The following C19orf53 variants were observed in gnomAD, a reference collection of about 807,000 sequenced individuals.
The protein encoded by C19orf53 is leydig cell tumor 10 kDa protein homolog.
C19orf53 carries 9 observed loss-of-function variants against 6.5 expected under a neutral mutation model. The observed-to-expected ratio is 1.38, with a 90% CI of 0.83 to 2.40. C19orf53 has a LOEUF of 2.40. Ranked by LOEUF, C19orf53 falls within the 30% of genes most tolerant of loss-of-function variation. C19orf53 has a pLI of 0.00. For synonymous variants in C19orf53, 68 were observed against 52.5 expected (o/e 1.29, Z -1.27); for missense variants, 166 against 129.7 (o/e 1.28, Z -1.36).
At position 13,774,966 on chromosome 19, in the gene C19orf53, T is replaced by A. The variant is rs73922755; in HGVS notation, c.153+259T>A. 7.5e-3 allele frequency: 4,105 copies of A among 546,498 alleles called. 138 individuals are homozygous for A. Among genetic ancestry groups the A allele is most frequent in the African/African-American group, 0.07 (3,702 of 52,938 alleles). 33.9% of individuals were successfully genotyped at this position (546,498 alleles called of 1,614,324 possible). A position where few individuals can be genotyped will look rare whatever the true frequency, so the allele number is the denominator to read the frequency against. On this transcript the variant is annotated intron_variant, in intron 2 of 2. Transcript: ENST00000588234. Reference sequence around the variant, plus strand: ...GACGTGCTAGGGACGAGAGATGAAATCTGGAGGCCGGCGAGGGAAGGAGCA... The same window carrying A: ...GACGTGCTAGGGACGAGAGATGAAAACTGGAGGCCGGCGAGGGAAGGAGCA...
Position 13,778,395 on chromosome 19 carries a change from C to G in C19orf53, c.*197C>G, listed in dbSNP as rs1207816390. On this transcript the variant is annotated 3_prime_UTR_variant, in exon 3 of 3. Transcript: ENST00000588234. ...GATACAGTCACTAACTTCATCTGTC[C>G]CCGTGCCCCTTCCCAGGTCCTGCCT... 4 of 572,230 alleles carry G rather than the reference C, an allele frequency of 7.0e-6. No homozygotes were observed. Among genetic ancestry groups the G allele is most frequent in the African/African-American group, 1.9e-5 (1 of 52,394 alleles). The allele number at this position is 572,230 out of a possible 1,614,324, so 35.4% of individuals were successfully genotyped here. A position where few individuals can be genotyped will look rare whatever the true frequency, so the allele number is the denominator to read the frequency against.
At chr19:13,777,813 A>G (rs1191367545) in intron 2 of C19orf53, among the ~76,000 whole-genome samples, 1 of 152,196 alleles carries the variant, frequency 6.6e-6, no homozygotes, top group African/African-American at 2.4e-5. Flanking sequence ...TTCCCCATCC[A>G]TAAAATGGGC....
Position 13,774,491 on chromosome 19 carries a change from A to C in C19orf53, c.14A>C (p.Gln5Pro), listed in dbSNP as rs926416540. The C allele has an allele frequency of 2.5e-6, 4 of 1,609,254 alleles. No homozygotes were observed. Among genetic ancestry groups the C allele is most frequent in the South Asian group, 1.1e-5 (1 of 90,576 alleles). ...GCGTGCCGGACCATGGCGCAGGGGC[A>C]GCGCAAGTTTCAGGCGCACAAACCC... MAQG[Q>P]RKFQAHKPAK... The change falls in exon 1 of 3, where the codon CAG (glutamine) becomes CCG (proline). Residue 5 changes from glutamine to proline, a missense_variant. Transcript: ENST00000588234.
intron 2 of C19orf53, 163 bp downstream of exon 2, chr19:13,774,870 G>T (rs780265425): frequency 7.4e-6 from 7 of 951,034 alleles, no homozygotes; most frequent in Admixed American, 2.9e-5. Flanking sequence ...GGCCGCGTTA[G>T]GAGCGAAGGA....
rs1241341234 is a variant in C19orf53, at chr19:13,778,141, G to A, written c.243G>A (p.Lys81=). The change falls in exon 3 of 3, where the codon AAG becomes AAA. Residue 81 remains lysine, a synonymous_variant. Coordinates refer to ENST00000588234, the MANE Select transcript of C19orf53 (RefSeq NM_014047.3). Reference sequence around the variant, plus strand: ...TGCCCAAGAAGCTGGCACTGCTGAAGGCCCCAGCCAAGAAGAAAGGGGCAG... The same window carrying A: ...TGCCCAAGAAGCTGGCACTGCTGAAAGCCCCAGCCAAGAAGAAAGGGGCAG... ...SSLPKKLALL[K]APAKKKGAAA... 6 of 1,613,012 alleles carry A rather than the reference G, an allele frequency of 3.7e-6. No homozygotes were observed. Among genetic ancestry groups the A allele is most frequent in the Admixed American group, 3.3e-5 (2 of 59,886 alleles).
At chr19:13,775,114 G>A (rs1015433233) in intron 2 of C19orf53, among the ~76,000 whole-genome samples, 1 of 152,156 alleles carries the variant, frequency 6.6e-6, no homozygotes, top group Non-Finnish European at 1.5e-5. Flanking sequence ...CCTCGTAGAA[G>A]CAAGACCTGC....
Position 13,778,374 on chromosome 19 carries a change from C to T in C19orf53, c.*176C>T. The T allele has an allele frequency of 1.5e-6, 1 of 689,424 alleles. No individual in the cohort carries two copies. The highest frequency in any genetic ancestry group is 2.2e-6 in the Non-Finnish European group (1 of 452,090). The allele number at this position is 689,424 out of a possible 1,614,324, so 42.7% of individuals were successfully genotyped here. ...GAACCCAGCAATGACCAGGAAGATA[C>T]AGTCACTAACTTCATCTGTCCCCGT... On this transcript the variant is annotated 3_prime_UTR_variant, in exon 3 of 3. Coordinates refer to ENST00000588234, the MANE Select transcript of C19orf53 (RefSeq NM_014047.3).
chr19:13,774,735 G>T (rs1974347685), intron 2 of C19orf53, 28 bp downstream of exon 2: 2 of 1,579,156 alleles, frequency 1.3e-6, no homozygotes, highest in African/African-American at 2.7e-5. Flanking sequence ...ATGGAGCCCG[G>T]AGGGCGGCGA....
At position 13,778,694 on chromosome 19, in the gene C19orf53, C is replaced by CAG. The variant is rs1390572210; in HGVS notation, c.*499_*500dup. On this transcript the variant is annotated 3_prime_UTR_variant, in exon 3 of 3. Coordinates refer to ENST00000588234, the MANE Select transcript of C19orf53 (RefSeq NM_014047.3). The stretch of plus-strand genomic sequence containing the variant: ...CAGTCCTCACCCCTGGGGACACAAC[C>CAG]AGAGTCAAGCTGGACATCAGTAGGT... Among the ~76,000 whole-genome samples, 1 of 152,190 alleles carries CAG rather than the reference C, an allele frequency of 6.6e-6. No individual in the cohort carries two copies. The highest frequency in any genetic ancestry group is 2.4e-5 in the African/African-American group (1 of 41,442).
rs777674294 is a variant in C19orf53 at position 13,778,539 on chromosome 19, C to T, written c.*341C>T. ...CATGAGTGACGTGGCCTGGCGTGCT[C>T]CACCCCACCCCACCGCCTTTAGCAA... On this transcript the variant is annotated 3_prime_UTR_variant, in exon 3 of 3. Coordinates refer to ENST00000588234, the MANE Select transcript of C19orf53 (RefSeq NM_014047.3). 5.1e-4 allele frequency: 93 copies of T among 182,314 alleles called. 1 individual carries two copies. The highest frequency in any genetic ancestry group is 8.8e-4 in the Non-Finnish European group (77 of 87,878). The allele number at this position is 182,314 out of a possible 1,614,324, so 11.3% of individuals were successfully genotyped here.
chr19:13,778,222 A>G lies in C19orf53; in HGVS notation c.*24A>G. The G allele has an allele frequency of 6.4e-7, 1 of 1,562,070 alleles. No homozygotes were observed. Among genetic ancestry groups the G allele is most frequent in the East Asian group, 2.3e-5 (1 of 43,626 alleles). ...GAGGACGCTGGCCCCAGTGCAGGCC[A>G]ACATCCCACCCCCTACCTCCATATG... On this transcript the variant is annotated 3_prime_UTR_variant, in exon 3 of 3. Transcript: ENST00000588234.
intron 2 of C19orf53, among the ~76,000 whole-genome samples, chr19:13,776,958 G>GT (rs370934878): frequency 6.7e-6 from 1 of 150,064 alleles, no homozygotes; most frequent in South Asian, 2.1e-4. Context: ...TTTGTTTTTT[G>GT]TTTTTGTTTT....
intron 2 of C19orf53, among the ~76,000 whole-genome samples, chr19:13,777,288 C>A (rs1343429128): frequency 6.6e-6 from 1 of 151,948 alleles, no homozygotes; most frequent in Non-Finnish European, 1.5e-5. Context: ...CGCTGTCCCC[C>A]AGGCTGCAGT....
Position 13,778,757 on chromosome 19 carries a change from C to T in C19orf53, c.*559C>T, listed in dbSNP as rs949438594. ...CACAGGACCAAGGTGCCGATTAAAC[C>T]GGAATACATTCAGAAACCACGTGGT... On this transcript the variant is annotated 3_prime_UTR_variant, in exon 3 of 3. Transcript: ENST00000588234. Among the ~76,000 whole-genome samples, 2 of 152,182 alleles carry T rather than the reference C, an allele frequency of 1.3e-5. No homozygotes were observed. Among genetic ancestry groups the T allele is most frequent in the Non-Finnish European group, 2.9e-5 (2 of 68,032 alleles).
Position 13,778,742 on chromosome 19 carries a change from A to ATTAAACC in C19orf53, c.*544_*545insTTAAACC, listed in dbSNP as rs1974395400. Among the ~76,000 whole-genome samples the ATTAAACC allele has an allele frequency of 6.6e-6, 1 of 152,214 alleles. No individual in the cohort carries two copies. The highest frequency in any genetic ancestry group is 1.9e-4 in the East Asian group (1 of 5,198). On this transcript the variant is annotated 3_prime_UTR_variant, in exon 3 of 3. Coordinates refer to ENST00000588234, the MANE Select transcript of C19orf53 (RefSeq NM_014047.3). ...GGTCAGATGCCACCTCACAGGACCA[A>ATTAAACC]GGTGCCGATTAAACCGGAATACATT...
At chr19:13,774,828 G>A in intron 2 of C19orf53, 121 bp downstream of exon 2, 1 of 1,319,578 alleles carries the variant, frequency 7.6e-7, no homozygotes, top group Non-Finnish European at 1.0e-6. Context: ...TGGATCCTGG[G>A]GACGAGCTAG....
Position 13,774,718 on chromosome 19 carries a change from GC to G in C19orf53, c.153+12del. On this transcript the variant is annotated intron_variant, in intron 2 of 2. Transcript: ENST00000588234. Reference sequence around the variant, plus strand: ...CAAAAGCTCAAGAAGGTGTGCGGGGGCGAGAGATGGAGCCCGGAGGGCGGCG... The same window carrying G: ...CAAAAGCTCAAGAAGGTGTGCGGGGGGAGAGATGGAGCCCGGAGGGCGGCG... 2 of 1,595,372 alleles carry G rather than the reference GC, an allele frequency of 1.3e-6. No individual in the cohort carries two copies. Among genetic ancestry groups the G allele is most frequent in the Non-Finnish European group, 1.7e-6 (2 of 1,167,342 alleles).
chr19:13,774,558 G>C lies in C19orf53; in HGVS notation c.81G>C (p.Arg27=). The part of the protein sequence containing the change: ...KTAAAASEKN[R]GPRKGGRVIA... ...CAGCGGCAGCCTCTGAAAAGAATCG[G>C]GGCCCAAGAAAAGGCGGTAAGGAGC... Residue 27 remains arginine (R), a synonymous_variant, in exon 1 of 3, where the codon CGG becomes CGC. Coordinates refer to ENST00000588234, the MANE Select transcript of C19orf53 (RefSeq NM_014047.3). 6.2e-7 allele frequency: 1 copy of C among 1,614,056 alleles called. No homozygotes were observed.
chr19:13,774,756 G>T (rs372664740), intron 2 of C19orf53, 49 bp downstream of exon 2: 2 of 1,563,066 alleles, frequency 1.3e-6, no homozygotes, highest in East Asian at 2.3e-5. Flanking sequence ...GTAGCGAGGG[G>T]TGGAACCCGG....
Sources: allele counts gnomAD v4.1 joint callset (sites outside exome capture counted in the v4.1 genomes callset), GRCh38; gene constraint gnomAD v4.1.1; transcripts MANE v1.5; gene names NCBI Gene and HGNC (gene_info 2026-07-23, HGNC 2026-07-21).